Variants in ELMO1 observed in about 807,000 individuals in gnomAD.
ELMO1 encodes the protein engulfment and cell motility protein 1.
In ELMO1, 26 loss-of-function variants were observed where a neutral mutation model predicts 98.9. The observed-to-expected ratio is 0.26, with a 90% confidence interval of 0.19 to 0.36. The LOEUF (loss-of-function observed/expected upper bound fraction) is 0.36, where lower values mean the gene tolerates loss of function less well. Ranked by LOEUF, ELMO1 falls within the 10% of genes least tolerant of loss-of-function variation. The pLI is 1.00. For synonymous variants in ELMO1, 346 were observed against 346.0 expected (o/e 1.00, Z 0.00); for missense variants, 627 against 935.2 (o/e 0.67, Z 4.30).
rs569370415 is a variant in ELMO1 at position 36,940,550 on chromosome 7, T to C, written c.1438-45533A>G. Among the ~76,000 whole-genome samples the C allele has an allele frequency of 5.0e-4, 76 of 152,366 alleles. 2 individuals are homozygous for C. Among genetic ancestry groups the C allele is most frequent in the Non-Finnish European group, 1.9e-4 (13 of 68,038 alleles). On this transcript the variant is annotated intron_variant, in intron 16 of 21. Coordinates refer to ENST00000310758, the MANE Select transcript of ELMO1 (RefSeq NM_014800.11). ...GTTCTGATACTGGGCAAGATACTTA[T>C]AAATTCTTAAAGCCTCAGTTTCTTT...
At chr7:37,434,548 A>C (rs1805065852) in intron 1 of ELMO1, among the ~76,000 whole-genome samples, 1 of 152,218 alleles carries the variant, frequency 6.6e-6, no homozygotes, top group South Asian at 2.1e-4. Context: ...CCAATTTTAA[A>C]TGATGTAAAA....
At chr7:37,228,638 G>A (rs114141370) in intron 8 of ELMO1, among the ~76,000 whole-genome samples, 1,541 of 152,188 alleles carry the variant, frequency 0.01, 32 homozygotes, top group African/African-American at 0.035. Flanking sequence ...ATGAATCAAC[G>A]ATCCAATAAA....
intron 1 of ELMO1, among the ~76,000 whole-genome samples, chr7:37,419,375 T>C (rs182020393): frequency 6.6e-6 from 1 of 152,156 alleles, no homozygotes; most frequent in Non-Finnish European, 1.5e-5. Context: ...AATATATTCA[T>C]GGGCCGTTTG....
chr7:37,214,741 C>T (rs1326136533), intron 11 of ELMO1, among the ~76,000 whole-genome samples: 1 of 152,188 alleles, frequency 6.6e-6, no homozygotes, highest in African/African-American at 2.4e-5. Flanking sequence ...ACTCATGGCA[C>T]ACACTTAGTA....
chr7:37,343,330 C>T (rs1432042279), intron 1 of ELMO1, among the ~76,000 whole-genome samples: 1 of 152,062 alleles, frequency 6.6e-6, no homozygotes, highest in East Asian at 1.9e-4. Context: ...TCACACAATG[C>T]ACCTTCGGTG....
chr7:37,439,098 T>C (rs1487050947), intron 1 of ELMO1, among the ~76,000 whole-genome samples: 1 of 152,180 alleles, frequency 6.6e-6, no homozygotes, highest in African/African-American at 2.4e-5. Flanking sequence ...ACCAAGACCA[T>C]GTATTTATTT....
intron 15 of ELMO1, among the ~76,000 whole-genome samples, chr7:37,076,792 C>T (rs981093535): frequency 2.6e-5 from 4 of 152,202 alleles, no homozygotes; most frequent in Non-Finnish European, 5.9e-5. Flanking sequence ...CACAACGCTC[C>T]ACCACAGACA....
At chr7:36,861,759 G>A (rs1311332135) in intron 20 of ELMO1, 23 bp from the exon 21 acceptor site, 3 of 1,608,626 alleles carry the variant, frequency 1.9e-6, no homozygotes, top group Non-Finnish European at 2.6e-6. Context: ...AGAGAAAACA[G>A]CACCTTAAGG....
chr7:36,941,295 T>C (rs1787011604), intron 16 of ELMO1, among the ~76,000 whole-genome samples: 1 of 152,244 alleles, frequency 6.6e-6, no homozygotes, highest in African/African-American at 2.4e-5. Context: ...TCTACGACAA[T>C]GTGCCTTTCT....
chr7:37,335,841 T>A (rs533861541), intron 2 of ELMO1, among the ~76,000 whole-genome samples: 2 of 152,334 alleles, frequency 1.3e-5, no homozygotes, highest in East Asian at 3.9e-4. Context: ...CCTCGCCTGA[T>A]GAGATGGCCC....
At chr7:37,411,347 G>C (rs1287530798) in intron 1 of ELMO1, among the ~76,000 whole-genome samples, 1 of 152,184 alleles carries the variant, frequency 6.6e-6, no homozygotes, top group Non-Finnish European at 1.5e-5. Flanking sequence ...ACTGTAACAA[G>C]CTATTATGCT....
At chr7:37,289,991 C>T (rs1250325769) in intron 4 of ELMO1, among the ~76,000 whole-genome samples, 1 of 152,208 alleles carries the variant, frequency 6.6e-6, no homozygotes, top group Non-Finnish European at 1.5e-5. Context: ...GGGACTAATG[C>T]AACATAGGCC....
At chr7:36,962,563 G>A (rs1789045354) in intron 16 of ELMO1, among the ~76,000 whole-genome samples, 1 of 151,530 alleles carries the variant, frequency 6.6e-6, no homozygotes, top group Non-Finnish European at 1.5e-5. Context: ...GAGGAAGAAT[G>A]TAGAGTTTGG....
Position 36,855,508 on chromosome 7 carries a change from A to G in ELMO1, c.*43T>C, listed in dbSNP as rs1034259774. ...TTTTCATTCCTCTCTCCTGTTAGCT[A>G]GGTGTTCCAGTTTTGGAAGGGGCAT... On this transcript the variant is annotated 3_prime_UTR_variant, in exon 22 of 22. Transcript: ENST00000310758. This position sits in a 1 kb window ranked among gnomAD's most constrained non-coding sequence, Gnocchi z 4.2. 2 of 1,609,940 alleles carry G rather than the reference A, an allele frequency of 1.2e-6. No homozygotes were observed. The highest frequency in any genetic ancestry group is 2.7e-5 in the African/African-American group (2 of 74,814).
chr7:37,167,580 T>A (rs561500160), intron 13 of ELMO1, among the ~76,000 whole-genome samples: 1 of 151,282 alleles, frequency 6.6e-6, no homozygotes, highest in African/African-American at 2.4e-5. Context: ...AAGTATTTTA[T>A]TTCTCCTTCA....
chr7:36,872,284 C>T (rs764304276), intron 19 of ELMO1, among the ~76,000 whole-genome samples: 8 of 151,914 alleles, frequency 5.3e-5, no homozygotes, highest in South Asian at 2.1e-4. Flanking sequence ...GACAAGGTGA[C>T]GATAGTCAGA....
rs528489982 is a variant in ELMO1 at position 37,278,676 on chromosome 7, T to C, written c.193-6794A>G. On this transcript the variant is annotated intron_variant, in intron 4 of 21. Coordinates refer to ENST00000310758, the MANE Select transcript of ELMO1 (RefSeq NM_014800.11). ...CAGCTCCCATAATCCCATGAGGTAA[T>C]TCCTTGCAGTCAGTTCCTATACATC... 3.6e-4 allele frequency among the ~76,000 whole-genome samples: 55 copies of C among 152,328 alleles called. 1 individual carries two copies. Among genetic ancestry groups the C allele is most frequent in the African/African-American group, 1.3e-3 (55 of 41,566 alleles).
intron 15 of ELMO1, among the ~76,000 whole-genome samples, chr7:37,034,419 G>GT (rs1795063414): frequency 6.6e-6 from 1 of 152,012 alleles, no homozygotes; most frequent in South Asian, 2.1e-4. Flanking sequence ...AAATTATGTT[G>GT]TTTAAACCAC....
intron 1 of ELMO1, among the ~76,000 whole-genome samples, chr7:37,425,358 G>T (rs566943946): frequency 6.6e-6 from 1 of 152,298 alleles, no homozygotes; most frequent in Admixed American, 6.5e-5. Context: ...CCCTCCCAAA[G>T]ACCCCACTTT....
Sources: gnomAD v4.1 joint callset for allele counts (sites outside exome capture counted in the v4.1 genomes callset) on GRCh38, gnomAD v4.1.1 for gene constraint, Gnocchi (gnomAD v3.1) non-coding constraint, MANE v1.5 for transcripts, NCBI Gene and HGNC (gene_info 2026-07-23, HGNC 2026-07-21) for gene names.